Variants in SLC7A2 observed in about 807,000 individuals in gnomAD.
The protein encoded by SLC7A2 is solute carrier family 7 member 2.
In SLC7A2, 48 loss-of-function variants were observed where a neutral mutation model predicts 58.9. The observed-to-expected ratio is 0.82, with a 90% CI of 0.65 to 1.04. SLC7A2 has a LOEUF of 1.04. Among genes scored for constraint, SLC7A2 ranks in the 50% least tolerant of loss-of-function variants. The pLI is 0.00. For missense variants in SLC7A2, 1,029 were observed against 818.8 expected, an observed-to-expected ratio of 1.26 and a Z score of -3.13; for synonymous variants, 363 against 314.5, an observed-to-expected ratio of 1.15 and a Z score of -1.63.
chr8:17,564,040 A>G (rs1803150510), intron 12 of SLC7A2, among the ~76,000 whole-genome samples: 1 of 152,252 alleles, frequency 6.6e-6, no homozygotes, highest in Admixed American at 6.5e-5. Context: ...ACATGTCTGC[A>G]GTGATCTTAG....
chr8:17,530,309 G>C (rs1275932582), intron 2 of SLC7A2, among the ~76,000 whole-genome samples: 1 of 152,186 alleles, frequency 6.6e-6, no homozygotes, highest in East Asian at 1.9e-4. Context: ...AGCCGGGACA[G>C]AGGGAGAGGG....
intron 4 of SLC7A2, among the ~76,000 whole-genome samples, chr8:17,546,181 C>A (rs1034694988): frequency 1.3e-5 from 2 of 152,124 alleles, no homozygotes; most frequent in African/African-American, 4.8e-5. Context: ...TTTTAATGAA[C>A]TTAAAATATT....
chr8:17,562,068 C>A lies in SLC7A2; in HGVS notation c.1629C>A (p.Thr543=), dbSNP rs1191525500. The change falls in exon 11 of 13, where the codon ACC becomes ACA. Residue 543 remains threonine (T), a synonymous_variant. Transcript: ENST00000494857. ...FLVLFVAIVL[T]IWRQPQNQQK... ...TTCTCTTCGTTGCCATCGTTCTCAC[C>A]ATCTGGAGGCAGCCCCAGAATCAGC... 2 of 1,613,954 alleles carry A rather than the reference C, an allele frequency of 1.2e-6. No individual in the cohort carries two copies. Among genetic ancestry groups the A allele is most frequent in the Non-Finnish European group, 1.7e-6 (2 of 1,180,016 alleles).
chr8:17,514,622 G>C (rs1316451824), intron 2 of SLC7A2, among the ~76,000 whole-genome samples: 4 of 152,122 alleles, frequency 2.6e-5, no homozygotes, highest in Admixed American at 2.0e-4. Context: ...ATTTTGCTTG[G>C]TAGAAGGTCC....
chr8:17,529,990 C>T (rs141443964), intron 2 of SLC7A2, among the ~76,000 whole-genome samples: 254 of 152,234 alleles, frequency 1.7e-3, no homozygotes, highest in South Asian at 4.8e-3. Flanking sequence ...CCTAATACGT[C>T]TTGAAGGAGA....
chr8:17,499,839 C>T (rs1455913771), intron 1 of SLC7A2, among the ~76,000 whole-genome samples: 1 of 152,070 alleles, frequency 6.6e-6, no homozygotes, highest in East Asian at 1.9e-4. Flanking sequence ...CCTTGAATGA[C>T]AACAGAAAAC....
chr8:17,507,008 A>G (rs2150655894), intron 2 of SLC7A2, among the ~76,000 whole-genome samples: 1 of 149,684 alleles, frequency 6.7e-6, no homozygotes, highest in Non-Finnish European at 1.5e-5. Context: ...GCAATGGTGC[A>G]ATCTTGGCTC....
intron 6 of SLC7A2, 83 bp downstream of exon 6, chr8:17,550,517 G>A (rs1237431890): frequency 7.5e-7 from 1 of 1,336,494 alleles, no homozygotes; most frequent in African/African-American, 1.5e-5. Context: ...GAGGGTCCAG[G>A]AAAGAGAGAG....
intron 2 of SLC7A2, among the ~76,000 whole-genome samples, chr8:17,535,027 A>C (rs1445138754): frequency 2.6e-5 from 4 of 151,766 alleles, no homozygotes; most frequent in African/African-American, 9.7e-5. Context: ...CTTTTTCCTT[A>C]TCTCCAGTCT....
In SLC7A2 at chr8:17,544,468, A is replaced by G. The variant is rs1253275515; in HGVS notation, c.394A>G (p.Arg132Gly). Residue 132 changes from arginine to glycine, a missense_variant, in exon 4 of 13, where the codon AGA (arginine) becomes GGA (glycine). Transcript: ENST00000494857. The part of the protein sequence containing the change: ...SYVIGTSSVA[R>G]AWSGTFDELL... ...TTGGGAAGGTACATCAAGTGTTGCA[A>G]GAGCCTGGAGTGGCACCTTTGATGA... The G allele has an allele frequency of 6.2e-7, 1 of 1,613,928 alleles. No individual in the cohort carries two copies. Among genetic ancestry groups the G allele is most frequent in the African/African-American group, 1.3e-5 (1 of 74,922 alleles).
intron 2 of SLC7A2, among the ~76,000 whole-genome samples, chr8:17,509,459 C>G (rs544485820): frequency 8.0e-4 from 122 of 152,128 alleles, no homozygotes; most frequent in South Asian, 2.1e-3. Context: ...GTGCCCACCA[C>G]CACACCTGGC....
intron 8 of SLC7A2, chr8:17,555,146 C>G (rs763556489): frequency 2.6e-4 from 391 of 1,505,418 alleles, no homozygotes; most frequent in Non-Finnish European, 3.2e-4. Context: ...CATGCATGGA[C>G]TTATAAAGAG....
In SLC7A2 at chr8:17,538,714, CA is replaced by C. The variant is rs879135958; in HGVS notation, c.-22-4599del. The C allele has an allele frequency of 1.5e-4, 190 of 1,301,930 alleles. 2 individuals carry two copies. The South Asian group carries it at 2.5e-3, about 17-fold the overall frequency. 80.6% of individuals were successfully genotyped at this position (1,301,930 alleles called of 1,614,324 possible). The stretch of plus-strand genomic sequence containing the variant: ...ATTGCAAAATAAAAAAGATCTAGGG[CA>C]AAAACAGTATGGTAAAGATCCCTAC... On this transcript the variant is annotated intron_variant, in intron 2 of 12. Transcript: ENST00000494857.
At chr8:17,518,363 A>C (rs1190298964) in intron 2 of SLC7A2, among the ~76,000 whole-genome samples, 3 of 152,108 alleles carry the variant, frequency 2.0e-5, no homozygotes, top group Non-Finnish European at 2.9e-5. Flanking sequence ...CGTGGTGACA[A>C]GTTTCTTTCC....
intron 4 of SLC7A2, 80 bp downstream of exon 4, chr8:17,544,686 G>A: frequency 7.9e-7 from 1 of 1,273,308 alleles, no homozygotes; most frequent in Non-Finnish European, 1.1e-6. Flanking sequence ...TGAATTTGGG[G>A]CCTGAGTTCC....
rs936331191 is a variant in SLC7A2, at chr8:17,563,704, G to A, written c.1773G>A (p.Met591Ile). Reference protein sequence around the residue: ...ADTWVRFSIWMAIGFLIYFSY... With the variant: ...ADTWVRFSIWIAIGFLIYFSY... ...CTTGGGTCAGATTCAGCATTTGGATGGCAATTGGTAGGTCTTTTAATGTCG... is the reference window on the plus strand; with the variant it reads ...CTTGGGTCAGATTCAGCATTTGGATAGCAATTGGTAGGTCTTTTAATGTCG... Residue 591 changes from methionine to isoleucine, a missense_variant, in exon 12 of 13, where the codon ATG becomes ATA. Coordinates refer to ENST00000494857, the MANE Select transcript of SLC7A2 (RefSeq NM_001370338.1). 1.9e-6 allele frequency: 3 copies of A among 1,582,200 alleles called. No homozygotes were observed. Among genetic ancestry groups the A allele is most frequent in the South Asian group, 2.2e-5 (2 of 90,208 alleles).
intron 10 of SLC7A2, 121 bp downstream of exon 10, chr8:17,560,654 G>T: frequency 1.3e-6 from 1 of 775,884 alleles, no homozygotes; most frequent in Non-Finnish European, 2.2e-6. Context: ...CAACCACCCT[G>T]AAATTTTCAC....
At chr8:17,501,010 CT>C (rs375110186) in intron 1 of SLC7A2, among the ~76,000 whole-genome samples, 84,649 of 144,490 alleles carry the variant, frequency 0.59, 24,493 homozygotes, top group African/African-American at 0.66. Flanking sequence ...TTCTTATCGA[CT>C]TTTTTTTTTT....
In SLC7A2 at chr8:17,512,906, G is replaced by C. The variant is rs538339712; in HGVS notation, c.-23+10604G>C. On this transcript the variant is annotated intron_variant, in intron 2 of 12. Transcript: ENST00000494857. Reference sequence around the variant, plus strand: ...GACAGTGTTTTGCCTTTTTGTGGCTGGATTATTTCACTGAACATGATGTTC... The same window carrying C: ...GACAGTGTTTTGCCTTTTTGTGGCTCGATTATTTCACTGAACATGATGTTC... 1.2e-3 allele frequency among the ~76,000 whole-genome samples: 182 copies of C among 152,212 alleles called. 1 individual carries two copies. The highest frequency in any genetic ancestry group is 4.0e-3 in the African/African-American group (166 of 41,544).
Sources: allele counts gnomAD v4.1 joint callset (sites outside exome capture counted in the v4.1 genomes callset), GRCh38; gene constraint gnomAD v4.1.1; transcripts MANE v1.5; gene names NCBI Gene and HGNC (gene_info 2026-07-23, HGNC 2026-07-21).